GLT8D2: variants seen among roughly 807,000 people sequenced by gnomAD.
GLT8D2 encodes glycosyltransferase 8 domain containing 2.
A neutral mutation model predicts 44.5 loss-of-function variants in GLT8D2; 45 were observed. The observed-to-expected ratio is 1.01, with a 90% CI of 0.80 to 1.30. GLT8D2 has a LOEUF of 1.30. Among genes scored for constraint, GLT8D2 ranks in the 50% most tolerant of loss-of-function variants. The pLI, the probability that GLT8D2 is intolerant of heterozygous loss-of-function variation, is 0.00. For synonymous variants in GLT8D2, 156 were observed against 157.2 expected, an observed-to-expected ratio of 0.99 and a Z score of 0.06; for missense variants, 400 against 430.4, an observed-to-expected ratio of 0.93 and a Z score of 0.62.
intron 1 of GLT8D2, among the ~76,000 whole-genome samples, chr12:104,032,734 A>C (rs955313527): frequency 5.3e-5 from 8 of 152,180 alleles, no homozygotes; most frequent in Non-Finnish European, 7.3e-5. Flanking sequence ...TGGAACAGCC[A>C]TTATGGAAAA....
intron 1 of GLT8D2, among the ~76,000 whole-genome samples, chr12:104,033,772 ATGTG>A (rs200277363): frequency 4.1e-5 from 6 of 145,596 alleles, no homozygotes; most frequent in Non-Finnish European, 1.5e-5. Flanking sequence ...ATATATATAT[ATGTG>A]TGTGTGTGTG....
intron 4 of GLT8D2, among the ~76,000 whole-genome samples, chr12:104,005,186 A>G (rs146738654): frequency 7.3e-4 from 111 of 152,350 alleles, no homozygotes; most frequent in Middle Eastern, 6.8e-3. Context: ...CATATGTAGA[A>G]AGCTAAAACT....
At chr12:103,991,854 G>A (rs538730558) in intron 10 of GLT8D2, among the ~76,000 whole-genome samples, 1 of 149,886 alleles carries the variant, frequency 6.7e-6, no homozygotes, top group East Asian at 2.0e-4. Flanking sequence ...AAGATTATGG[G>A]ACATAACACC....
chr12:104,053,930 T>C (rs111707000), upstream of GLT8D2, among the ~76,000 whole-genome samples: 5,505 of 152,076 alleles, frequency 0.036, 339 homozygotes, highest in African/African-American at 0.13. Context: ...TAACATGTAA[T>C]TGATTTTATT....
At chr12:104,028,601 C>G (rs544784353) in intron 1 of GLT8D2, among the ~76,000 whole-genome samples, 4 of 152,156 alleles carry the variant, frequency 2.6e-5, no homozygotes, top group African/African-American at 9.7e-5. Context: ...CCCTTGGAAA[C>G]TTAAGATTCC....
chr12:103,993,359 C>CGTTTCTCTAAACA (rs1873010188), intron 10 of GLT8D2, 33 bp downstream of exon 10: 1 of 1,490,030 alleles, frequency 6.7e-7, no homozygotes, highest in South Asian at 1.1e-5. Context: ...TGGACATTTG[C>CGTTTCTCTAAACA]GTTTTTCTAA....
Position 103,989,406 on chromosome 12 carries a change from T to A in GLT8D2, c.*2A>T, listed in dbSNP as rs781247503. 1 of 1,602,716 alleles carries A rather than the reference T, an allele frequency of 6.2e-7. No individual in the cohort carries two copies. The highest frequency in any genetic ancestry group is 1.7e-5 in the Admixed American group (1 of 57,440). ...AGGGAATATTTTAAGGGTAGAGTTA[T>A]ATCAGCTATGGTGATTGAGTTTAAA... On this transcript the variant is annotated 3_prime_UTR_variant, in exon 11 of 11. Transcript: ENST00000360814.
chr12:104,040,518 C>T (rs972471096), intron 1 of GLT8D2, among the ~76,000 whole-genome samples: 6 of 152,112 alleles, frequency 3.9e-5, no homozygotes, highest in Non-Finnish European at 5.9e-5. Context: ...CTCTGGCACC[C>T]GGGTTTACGC....
At chr12:104,044,742 C>T (rs922427714) in intron 1 of GLT8D2, among the ~76,000 whole-genome samples, 1 of 152,194 alleles carries the variant, frequency 6.6e-6, no homozygotes, top group South Asian at 2.1e-4. Context: ...TTTTGTTGTT[C>T]GATAATCATA....
intron 1 of GLT8D2, among the ~76,000 whole-genome samples, chr12:104,041,075 T>A (rs1020841268): frequency 9.9e-5 from 15 of 151,998 alleles, no homozygotes; most frequent in Non-Finnish European, 1.9e-4. Flanking sequence ...GAGACCAGCC[T>A]GGCCAACATG....
chr12:104,015,569 C>T (rs1018856122), intron 3 of GLT8D2, among the ~76,000 whole-genome samples: 2 of 151,302 alleles, frequency 1.3e-5, no homozygotes, highest in South Asian at 2.1e-4. Context: ...CAGAGCCAGA[C>T]CCTGTCTCAA....
chr12:104,057,338 T>C (rs537348412), intron 1 of GLT8D2, among the ~76,000 whole-genome samples: 2 of 151,626 alleles, frequency 1.3e-5, no homozygotes, highest in Non-Finnish European at 2.9e-5. Context: ...CTGAGCAACA[T>C]AGGGAGACCC....
intron 1 of GLT8D2, among the ~76,000 whole-genome samples, chr12:104,026,036 TG>T (rs1878524347): frequency 6.6e-6 from 1 of 152,126 alleles, no homozygotes; most frequent in Non-Finnish European, 1.5e-5. Flanking sequence ...TCCAGCACTT[TG>T]GGAGGCTGAG....
At chr12:104,023,656 A>T (rs915471447) in intron 1 of GLT8D2, among the ~76,000 whole-genome samples, 1 of 152,180 alleles carries the variant, frequency 6.6e-6, no homozygotes, top group Admixed American at 6.5e-5. Flanking sequence ...GCCAACACTC[A>T]AAGAATTCCC....
In GLT8D2 at chr12:103,993,372, A is replaced by G. The variant is rs764068195; in HGVS notation, c.880+20T>C. On this transcript the variant is annotated intron_variant, in intron 10 of 10. Coordinates refer to ENST00000360814, the MANE Select transcript of GLT8D2 (RefSeq NM_001384711.1). ...AATGGACATTTGCGTTTTTCTAAAC[A>G]GTTTTTCTGAAATACTTACCCAGGT... The G allele has an allele frequency of 6.4e-7, 1 of 1,559,658 alleles. No individual in the cohort carries two copies. Among genetic ancestry groups the G allele is most frequent in the Non-Finnish European group, 8.8e-7 (1 of 1,130,488 alleles).
chr12:104,028,522 C>T (rs113908731), intron 1 of GLT8D2, among the ~76,000 whole-genome samples: 2,271 of 152,208 alleles, frequency 0.015, 29 homozygotes, highest in Middle Eastern at 0.037. Flanking sequence ...AAACTGTGGG[C>T]CTTGGAGTCA....
intron 8 of GLT8D2, among the ~76,000 whole-genome samples, chr12:103,994,888 G>T (rs1303991853): frequency 6.6e-6 from 1 of 152,026 alleles, no homozygotes; most frequent in Non-Finnish European, 1.5e-5. Context: ...TCCCAAAATT[G>T]ATCCCAATCC....
chr12:104,039,786 C>G (rs1022076225), intron 1 of GLT8D2, among the ~76,000 whole-genome samples: 1 of 152,154 alleles, frequency 6.6e-6, no homozygotes, highest in Non-Finnish European at 1.5e-5. Flanking sequence ...CCCAGCCATC[C>G]TATTACTGGG....
At chr12:103,995,092 G>T (rs1204041588) in intron 8 of GLT8D2, among the ~76,000 whole-genome samples, 2 of 152,064 alleles carry the variant, frequency 1.3e-5, no homozygotes, top group African/African-American at 4.8e-5. Context: ...CACTTCTCTT[G>T]CCACTACTAC....
Sources: allele counts gnomAD v4.1 joint callset (sites outside exome capture counted in the v4.1 genomes callset), GRCh38; gene constraint gnomAD v4.1.1; transcripts MANE v1.5; gene names NCBI Gene and HGNC (gene_info 2026-07-23, HGNC 2026-07-21).